TMED3: variants seen among roughly 807,000 people sequenced by gnomAD.
TMED3 encodes the protein transmembrane p24 trafficking protein 3.
In TMED3, 9 loss-of-function variants were observed where a neutral mutation model predicts 15.0. That is an observed-to-expected ratio of 0.60 (90% confidence interval 0.36 to 1.04). The LOEUF (loss-of-function observed/expected upper bound fraction) is 1.04, where lower values mean the gene tolerates loss of function less well. Ranked by LOEUF, TMED3 falls within the 50% of genes least tolerant of loss-of-function variation. The pLI is 0.01. For missense variants in TMED3, 267 were observed against 278.9 expected (o/e 0.96, Z 0.30); for synonymous variants, 117 against 121.4 (o/e 0.96, Z 0.24).
rs144527606 is a variant in TMED3, at chr15:79,341,176, C to A, written c.417+27171C>A. Among the ~76,000 whole-genome samples the A allele has an allele frequency of 5.3e-5, 6 of 113,574 alleles. No homozygotes were observed. The East Asian group carries it at 1.6e-3, about 30-fold the overall frequency. The allele number at this position is 113,574 out of a possible 152,430, so 74.5% of individuals were successfully genotyped here. A position where few individuals can be genotyped will look rare whatever the true frequency, so the allele number is the denominator to read the frequency against. On this transcript the variant is annotated intron_variant, in intron 2 of 2. Transcript: ENST00000424155. ...GCCACTGCATTCAGCCTGAGTGACA[C>A]AGCAGCAAGACCCTGTCTCAAAAAA...
chr15:79,360,618 C>T (rs201840399), intron 2 of TMED3, among the ~76,000 whole-genome samples: 18 of 152,174 alleles, frequency 1.2e-4, no homozygotes, highest in South Asian at 8.3e-4. Flanking sequence ...ATCGTTAGAC[C>T]GCGACATCCC....
At chr15:79,380,769 T>C (rs764121995) in intron 2 of TMED3, among the ~76,000 whole-genome samples, 9 of 152,014 alleles carry the variant, frequency 5.9e-5, no homozygotes, top group Admixed American at 1.3e-4. Context: ...CAGGCCAACA[T>C]AGGCTCCGAT....
chr15:79,377,297 T>A (rs11633734), intron 2 of TMED3, among the ~76,000 whole-genome samples: 18,482 of 99,058 alleles, frequency 0.19, 1,217 homozygotes, highest in Middle Eastern at 0.32. Context: ...TGTGTGTGTG[T>A]GAGAGAGAGA....
intron 2 of TMED3, among the ~76,000 whole-genome samples, chr15:79,350,375 C>T (rs549554820): frequency 5.3e-5 from 8 of 152,218 alleles, no homozygotes; most frequent in African/African-American, 1.9e-4. Context: ...AGTCCGAGTC[C>T]CAAAACCTCA....
intron 2 of TMED3, among the ~76,000 whole-genome samples, chr15:79,377,981 T>C (rs1159422899): frequency 6.6e-6 from 1 of 152,246 alleles, no homozygotes; most frequent in African/African-American, 2.4e-5. Flanking sequence ...AAGTTTTATA[T>C]CATCCTTTTA....
At chr15:79,397,727 A>G (rs143066604) in intron 2 of TMED3, among the ~76,000 whole-genome samples, 11 of 152,248 alleles carry the variant, frequency 7.2e-5, no homozygotes, top group Non-Finnish European at 1.6e-4. Flanking sequence ...GCATTTTTGC[A>G]TTTGCCTGTA....
chr15:79,345,310 C>T (rs1358249873), intron 2 of TMED3, among the ~76,000 whole-genome samples: 8 of 152,150 alleles, frequency 5.3e-5, no homozygotes, highest in Admixed American at 5.2e-4. Context: ...CCACCCTTCA[C>T]CCTCTGATAG....
chr15:79,367,239 A>G (rs970386825), intron 2 of TMED3, among the ~76,000 whole-genome samples: 2 of 152,188 alleles, frequency 1.3e-5, no homozygotes, highest in Non-Finnish European at 2.9e-5. Flanking sequence ...GTTACTGGAT[A>G]CTATAGAAAA....
intron 2 of TMED3, among the ~76,000 whole-genome samples, chr15:79,321,012 C>A (rs1041786307): frequency 2.0e-5 from 3 of 152,226 alleles, no homozygotes; most frequent in Admixed American, 6.5e-5. Flanking sequence ...CGCCTGGAGG[C>A]CTTTTTCTGG....
intron 2 of TMED3, among the ~76,000 whole-genome samples, chr15:79,400,810 T>C (rs1001943070): frequency 6.6e-6 from 1 of 152,234 alleles, no homozygotes; most frequent in Non-Finnish European, 1.5e-5. Context: ...CCTTTCCACG[T>C]CTGATCTTCC....
chr15:79,402,262 C>T (rs78829901), intron 2 of TMED3, among the ~76,000 whole-genome samples: 2 of 152,174 alleles, frequency 1.3e-5, no homozygotes, highest in Non-Finnish European at 2.9e-5. Flanking sequence ...TCTGCAGGCT[C>T]CTGTGCCCCA....
intron 2 of TMED3, among the ~76,000 whole-genome samples, chr15:79,347,872 G>A (rs7164036): frequency 0.094 from 14,240 of 152,068 alleles, 709 homozygotes; most frequent in Admixed American, 0.12. Flanking sequence ...ACTGCTCAAA[G>A]AAATCAGAGA....
At chr15:79,405,786 A>G (rs1042269681) in intron 2 of TMED3, among the ~76,000 whole-genome samples, 1 of 152,214 alleles carries the variant, frequency 6.6e-6, no homozygotes, top group Admixed American at 6.5e-5. Flanking sequence ...TGTAAATGTC[A>G]AGACAATCAG....
chr15:79,313,455 C>T (rs2058725959), intron 1 of TMED3, among the ~76,000 whole-genome samples: 1 of 152,170 alleles, frequency 6.6e-6, no homozygotes, highest in Non-Finnish European at 1.5e-5. Context: ...ACCTTGGAAC[C>T]TCAGTTTCTT....
chr15:79,410,231 T>G (rs1375867639), intron 2 of TMED3, among the ~76,000 whole-genome samples: 2 of 152,218 alleles, frequency 1.3e-5, no homozygotes, highest in Admixed American at 6.5e-5. Context: ...AGCCTCATGG[T>G]TAAATAAACA....
Position 79,347,303 on chromosome 15 carries a change from C to G in TMED3, c.417+33298C>G, listed in dbSNP as rs549554560. ...ACCCACATGATTATCTCAAGAGATG[C>G]AGAAAAGGCTTTCAATAAAATTCAA... On this transcript the variant is annotated intron_variant, in intron 2 of 2. Transcript: ENST00000424155. Among the ~76,000 whole-genome samples, 12 of 152,236 alleles carry G rather than the reference C, an allele frequency of 7.9e-5. No homozygotes were observed. In the South Asian group the frequency reaches 2.5e-3, roughly 32 times the overall value.
intron 2 of TMED3, among the ~76,000 whole-genome samples, chr15:79,410,084 C>T (rs1377055969): frequency 6.6e-6 from 1 of 151,986 alleles, no homozygotes; most frequent in Non-Finnish European, 1.5e-5. Flanking sequence ...ACACATATGC[C>T]ACCTATTCAT....
At chr15:79,407,848 A>G (rs140418093) in intron 2 of TMED3, among the ~76,000 whole-genome samples, 2 of 152,290 alleles carry the variant, frequency 1.3e-5, no homozygotes, top group African/African-American at 4.8e-5. Context: ...GATTTATGCT[A>G]TCTGTCTAAG....
At chr15:79,336,353 G>A (rs1351260996) in intron 2 of TMED3, among the ~76,000 whole-genome samples, 1 of 152,162 alleles carries the variant, frequency 6.6e-6, no homozygotes, top group South Asian at 2.1e-4. Flanking sequence ...TGTCTTGATA[G>A]AGCCAAAAAC....
Sources: gnomAD v4.1 joint callset for allele counts (sites outside exome capture counted in the v4.1 genomes callset) on GRCh38, gnomAD v4.1.1 for gene constraint, MANE v1.5 for transcripts, NCBI Gene and HGNC (gene_info 2026-07-23, HGNC 2026-07-21) for gene names.